The following GRIP1 variants were observed in gnomAD, a reference collection of about 807,000 sequenced individuals.
The protein encoded by GRIP1 is glutamate receptor-interacting protein 1.
GRIP1 carries 45 observed loss-of-function variants against 129.9 expected under a neutral mutation model. That is an observed-to-expected ratio of 0.35 (90% CI 0.27 to 0.44). GRIP1 has a LOEUF of 0.44. Among genes scored for constraint, GRIP1 ranks in the 20% least tolerant of loss-of-function variants. The probability of loss-of-function intolerance (pLI) is 1.00; values close to 1 mark genes in which losing one functional copy is unlikely to be tolerated. For synonymous variants in GRIP1, 530 were observed against 520.8 expected, an observed-to-expected ratio of 1.02 and a Z score of -0.24; for missense variants, 1,196 against 1,396.8, an observed-to-expected ratio of 0.86 and a Z score of 2.29.
At chr12:66,975,929 T>C (rs2042145152) in intron 1 of GRIP1, among the ~76,000 whole-genome samples, 3 of 152,358 alleles carry the variant, frequency 2.0e-5, no homozygotes, top group Admixed American at 2.0e-4. Flanking sequence ...AGATGGATTT[T>C]GTGATGTTTA....
At chr12:66,930,239 G>A (rs1184501321) in intron 1 of GRIP1, among the ~76,000 whole-genome samples, 8 of 139,218 alleles carry the variant, frequency 5.7e-5, no homozygotes, top group Admixed American at 1.4e-4. Flanking sequence ...TATATCTCCC[G>A]ATGCTATCCC....
intron 1 of GRIP1, among the ~76,000 whole-genome samples, chr12:66,974,511 T>C (rs2042124135): frequency 1.3e-5 from 2 of 152,180 alleles, no homozygotes; most frequent in African/African-American, 2.4e-5. Flanking sequence ...TAAATCCATA[T>C]AAAAGTTGAA....
At chr12:66,624,665 C>T (rs1361711481) in intron 1 of GRIP1, among the ~76,000 whole-genome samples, 1 of 152,084 alleles carries the variant, frequency 6.6e-6, no homozygotes. Context: ...TACCTCTTAC[C>T]CCTTTTAAAT....
chr12:67,034,139 C>A, intron 1 of GRIP1, among the ~76,000 whole-genome samples: 1 of 152,262 alleles, frequency 6.6e-6, no homozygotes, highest in African/African-American at 2.4e-5. Flanking sequence ...GTCAATGTTT[C>A]AAGAACCAAC....
intron 1 of GRIP1, among the ~76,000 whole-genome samples, chr12:67,039,018 AACAC>A (rs10562551): frequency 0.45 from 67,512 of 148,802 alleles, 15,355 homozygotes; most frequent in Non-Finnish European, 0.49. Flanking sequence ...ACAAATAATA[AACAC>A]ACACACACAC....
At chr12:66,716,113 C>T (rs2035879733) in intron 1 of GRIP1, among the ~76,000 whole-genome samples, 2 of 151,894 alleles carry the variant, frequency 1.3e-5, no homozygotes, top group South Asian at 4.1e-4. Context: ...AATTATAATA[C>T]CCCCTCCTAA....
intron 1 of GRIP1, among the ~76,000 whole-genome samples, chr12:66,883,671 G>T (rs1328160304): frequency 6.6e-6 from 1 of 152,112 alleles, no homozygotes; most frequent in East Asian, 1.9e-4. Flanking sequence ...ATACGTCCTG[G>T]TTTGCATAGT....
chr12:66,427,599 A>C (rs1349337983), intron 14 of GRIP1, among the ~76,000 whole-genome samples: 2 of 152,142 alleles, frequency 1.3e-5, no homozygotes, highest in Non-Finnish European at 2.9e-5. Flanking sequence ...ATATATTAAC[A>C]TATGTTCTTA....
At chr12:66,610,988 C>T (rs2064769519) in intron 1 of GRIP1, among the ~76,000 whole-genome samples, 1 of 152,082 alleles carries the variant, frequency 6.6e-6, no homozygotes, top group Admixed American at 6.6e-5. Flanking sequence ...ATAACTATAG[C>T]CTTTATTGGC....
At chr12:66,785,531 C>T (rs190090715) in intron 1 of GRIP1, among the ~76,000 whole-genome samples, 1 of 151,050 alleles carries the variant, frequency 6.6e-6, no homozygotes, top group African/African-American at 2.4e-5. Context: ...AAGGTTGAGG[C>T]GATGGAAATA....
At chr12:66,503,229 C>T (rs968500496) in intron 7 of GRIP1, among the ~76,000 whole-genome samples, 5 of 152,000 alleles carry the variant, frequency 3.3e-5, no homozygotes, top group South Asian at 2.1e-4. Flanking sequence ...GCGAGTGAAC[C>T]GGGCACGTGC....
chr12:66,987,906 C>A (rs146893482), intron 1 of GRIP1, among the ~76,000 whole-genome samples: 6 of 152,172 alleles, frequency 3.9e-5, no homozygotes, highest in Non-Finnish European at 8.8e-5. Flanking sequence ...GGGAAAGCCA[C>A]GGAATGAACG....
In GRIP1 at chr12:66,347,502, TC is replaced by T. The variant is rs2137036391; in HGVS notation, c.*1516del. On this transcript the variant is annotated 3_prime_UTR_variant, in exon 25 of 25. Transcript: ENST00000359742. ...CATTTGGTAGAGGGTTTTATTTTTT[TC>T]CATACAAATATTTGAACAATTTTGA... 1 of 152,350 alleles carries T rather than the reference TC, an allele frequency of 6.6e-6. No individual in the cohort carries two copies. The highest frequency in any genetic ancestry group is 1.9e-4 in the East Asian group (1 of 5,188). 9.4% of individuals were successfully genotyped at this position (152,350 alleles called of 1,614,324 possible). A position where few individuals can be genotyped will look rare whatever the true frequency, so the allele number is the denominator to read the frequency against.
At chr12:66,400,417 C>G (rs1035482288) in intron 16 of GRIP1, among the ~76,000 whole-genome samples, 19 of 152,280 alleles carry the variant, frequency 1.2e-4, no homozygotes, top group East Asian at 5.8e-4. Flanking sequence ...TGGAATGGGG[C>G]ATCTCTGCTA....
chr12:66,796,710 G>A (rs1027153397), intron 1 of GRIP1, among the ~76,000 whole-genome samples: 12 of 152,028 alleles, frequency 7.9e-5, no homozygotes, highest in East Asian at 3.9e-4. Flanking sequence ...CTCTTGACAC[G>A]TGCATCATCA....
At chr12:66,607,834 G>A (rs779958393) in intron 1 of GRIP1, among the ~76,000 whole-genome samples, 5 of 152,172 alleles carry the variant, frequency 3.3e-5, no homozygotes, top group Non-Finnish European at 5.9e-5. Context: ...TAACCCACTA[G>A]CCATTATTTC....
chr12:66,950,224 A>T (rs2041735595), intron 1 of GRIP1, among the ~76,000 whole-genome samples: 1 of 152,218 alleles, frequency 6.6e-6, no homozygotes, highest in African/African-American at 2.4e-5. Flanking sequence ...TTTTAGATAC[A>T]AAAATAAAGG....
intron 1 of GRIP1, chr12:66,647,210 G>T (rs944066481): frequency 2.0e-5 from 3 of 152,180 alleles, no homozygotes; most frequent in Admixed American, 1.3e-4. Context: ...CCAAAATTGG[G>T]TGCCGAGGTT....
rs529500184 is a variant in GRIP1, at chr12:66,354,115, T to G, written c.3013-552A>C. Among the ~76,000 whole-genome samples the G allele has an allele frequency of 6.6e-5, 10 of 152,316 alleles. No individual in the cohort carries two copies. The East Asian group carries it at 1.2e-3, about 18-fold the overall frequency. ...TATGTAAAAGACCTGAATGTGTCTC[T>G]ATGACAACACCTTGCTCTGCACCTC... On this transcript the variant is annotated intron_variant, in intron 23 of 24. Coordinates refer to ENST00000359742, the MANE Select transcript of GRIP1 (RefSeq NM_001366722.1).
Sources: allele counts gnomAD v4.1 joint callset (sites outside exome capture counted in the v4.1 genomes callset), GRCh38; gene constraint gnomAD v4.1.1; transcripts MANE v1.5; gene names NCBI Gene and HGNC (gene_info 2026-07-23, HGNC 2026-07-21).